The following EYS variants were observed in gnomAD, a reference collection of about 807,000 sequenced individuals.
EYS encodes EGF-like photoreceptor maintenance factor.
In EYS, 250 loss-of-function variants were observed where a neutral mutation model predicts 282.1. The observed-to-expected ratio is 0.89, with a 90% CI of 0.80 to 0.98. The LOEUF (loss-of-function observed/expected upper bound fraction) is 0.98, where lower values mean the gene tolerates loss of function less well. Among genes scored for constraint, EYS ranks in the 50% least tolerant of loss-of-function variants. EYS has a pLI of 0.00. For synonymous variants in EYS, 1,355 were observed against 1,282.9 expected (o/e 1.06, Z -1.20); for missense variants, 4,016 against 3,709.0 (o/e 1.08, Z -2.15).
chr6:64,109,952 T>C (rs1270950024), intron 31 of EYS, among the ~76,000 whole-genome samples: 1 of 152,098 alleles, frequency 6.6e-6, no homozygotes, highest in African/African-American at 2.4e-5. Context: ...TTCTCTCTTC[T>C]ATTAAAAACT....
At chr6:63,786,075 G>A (rs1582205756) in intron 39 of EYS, 2 of 151,874 alleles carry the variant, frequency 1.3e-5, no homozygotes, top group East Asian at 3.9e-4. Context: ...GTAAGGATAT[G>A]TTAGCTGGGT....
At chr6:65,569,241 C>T (rs557307126) in intron 2 of EYS, among the ~76,000 whole-genome samples, 71 of 152,050 alleles carry the variant, frequency 4.7e-4, no homozygotes, top group African/African-American at 1.7e-3. Context: ...GGGAGAACTA[C>T]CCCCTTTGAC....
chr6:64,201,589 A>G (rs68011675), intron 31 of EYS, among the ~76,000 whole-genome samples: 47,471 of 151,964 alleles, frequency 0.31, 7,493 homozygotes, highest in East Asian at 0.5. Flanking sequence ...AGGCCTAAAT[A>G]GCCCTATTAC....
intron 2 of EYS, among the ~76,000 whole-genome samples, chr6:65,538,618 C>T (rs1360097353): frequency 6.6e-6 from 1 of 152,146 alleles, no homozygotes; most frequent in Non-Finnish European, 1.5e-5. Context: ...TAGACCACTG[C>T]TATATTTTAA....
intron 15 of EYS, among the ~76,000 whole-genome samples, chr6:64,913,705 C>T (rs1768075158): frequency 6.6e-6 from 1 of 152,102 alleles, no homozygotes; most frequent in South Asian, 2.1e-4. Flanking sequence ...GTGAATAGCA[C>T]TATGATAAAC....
chr6:64,450,411 A>G (rs998625904), intron 26 of EYS, among the ~76,000 whole-genome samples: 1 of 152,162 alleles, frequency 6.6e-6, no homozygotes, highest in Non-Finnish European at 1.5e-5. Flanking sequence ...TAATAATGGG[A>G]GACTTTAACA....
intron 11 of EYS, among the ~76,000 whole-genome samples, chr6:65,317,835 T>C (rs1279690383): frequency 2.1e-5 from 1 of 47,120 alleles, no homozygotes; most frequent in Non-Finnish European, 4.0e-5. Flanking sequence ...CCTTTCTTTC[T>C]TTCTTTCTTT....
chr6:64,031,357 C>T (rs1342550324), intron 33 of EYS, among the ~76,000 whole-genome samples: 1 of 152,230 alleles, frequency 6.6e-6, no homozygotes, highest in Non-Finnish European at 1.5e-5. Context: ...TCCCATGGGG[C>T]AGGACTGCGG....
intron 33 of EYS, among the ~76,000 whole-genome samples, chr6:64,005,501 G>A (rs1332501719): frequency 2.0e-5 from 3 of 151,942 alleles, no homozygotes; most frequent in Admixed American, 1.3e-4. Flanking sequence ...GTTTTGTTTC[G>A]GATGCTATTG....
chr6:64,079,703 C>T (rs950506793), intron 32 of EYS, among the ~76,000 whole-genome samples: 1 of 152,096 alleles, frequency 6.6e-6, no homozygotes, highest in East Asian at 1.9e-4. Flanking sequence ...GGTATATCTC[C>T]TAATGCTATC....
At chr6:64,854,076 C>T (rs556188336) in intron 19 of EYS, among the ~76,000 whole-genome samples, 221 of 151,820 alleles carry the variant, frequency 1.5e-3, no homozygotes, top group African/African-American at 2.2e-3. Flanking sequence ...GTTAGAATGG[C>T]TATCATTATA....
At chr6:63,805,760 C>G (rs1582224795) in intron 37 of EYS, among the ~76,000 whole-genome samples, 1 of 152,128 alleles carries the variant, frequency 6.6e-6, no homozygotes, top group East Asian at 1.9e-4. Flanking sequence ...CTCAGGAGAT[C>G]TGATGGTTTT....
intron 5 of EYS, among the ~76,000 whole-genome samples, chr6:65,447,540 A>C (rs1768720500): frequency 6.6e-6 from 1 of 151,210 alleles, no homozygotes; most frequent in African/African-American, 2.4e-5. Flanking sequence ...ATTTTTTTGC[A>C]TAGATTTACT....
At position 65,704,545 on chromosome 6, in the gene EYS, C is replaced by A. The variant is rs1582622348; in HGVS notation, c.-448+2590G>T. Among the ~76,000 whole-genome samples the A allele has an allele frequency of 1.1e-4, 16 of 152,262 alleles. 2 individuals carry two copies. The South Asian group carries it at 3.3e-3, about 32-fold the overall frequency. On this transcript the variant is annotated intron_variant, in intron 1 of 42. Coordinates refer to ENST00000503581, the MANE Select transcript of EYS (RefSeq NM_001142800.2). The stretch of plus-strand genomic sequence containing the variant: ...TTGATGGAGAGTATATCTCTTCAGA[C>A]TTTGATGTGGTTCTATTTCTTGTCA...
At chr6:63,848,694 A>C (rs995716444) in intron 36 of EYS, among the ~76,000 whole-genome samples, 4 of 152,130 alleles carry the variant, frequency 2.6e-5, no homozygotes, top group African/African-American at 9.7e-5. Context: ...CCCTCAGACC[A>C]GGAGATTCTC....
chr6:64,413,276 T>C (rs1438174593), intron 28 of EYS, among the ~76,000 whole-genome samples: 1 of 152,138 alleles, frequency 6.6e-6, no homozygotes, highest in Non-Finnish European at 1.5e-5. Context: ...GCTATGGTCA[T>C]ACTTCCTCCT....
chr6:64,643,883 T>G (rs1768261041), intron 22 of EYS, among the ~76,000 whole-genome samples: 1 of 152,206 alleles, frequency 6.6e-6, no homozygotes, highest in Admixed American at 6.5e-5. Context: ...TAAACCTCTT[T>G]CTTTTGTAAA....
chr6:64,770,383 T>C (rs1424194811), intron 22 of EYS, among the ~76,000 whole-genome samples: 1 of 152,032 alleles, frequency 6.6e-6, no homozygotes, highest in Non-Finnish European at 1.5e-5. Context: ...TATATAGGTA[T>C]GATTATTTCA....
intron 21 of EYS, 40 bp from the exon 22 acceptor site, chr6:64,813,617 T>C: frequency 8.1e-7 from 1 of 1,241,238 alleles, no homozygotes; most frequent in South Asian, 1.6e-5. Context: ...ATTATTAGTA[T>C]AAGGTTGACC....
Sources: gnomAD v4.1 joint callset for allele counts (sites outside exome capture counted in the v4.1 genomes callset) on GRCh38, gnomAD v4.1.1 for gene constraint, MANE v1.5 for transcripts, NCBI Gene and HGNC (gene_info 2026-07-23, HGNC 2026-07-21) for gene names.